SHANK2: variants seen among roughly 807,000 people sequenced by gnomAD.
The protein encoded by SHANK2 is SH3 and multiple ankyrin repeat domains protein 2.
SHANK2 carries 43 observed loss-of-function variants against 133.7 expected under a neutral mutation model. The observed-to-expected ratio is 0.32, with a 90% CI of 0.25 to 0.41. The LOEUF is 0.41. Ranked by LOEUF, SHANK2 falls within the 10% of genes least tolerant of loss-of-function variation. The probability of loss-of-function intolerance (pLI) is 1.00; values close to 1 mark genes in which losing one functional copy is unlikely to be tolerated. For synonymous variants in SHANK2, 1,017 were observed against 952.8 expected, an observed-to-expected ratio of 1.07 and a Z score of -1.24; for missense variants, 1,994 against 2,235.8, an observed-to-expected ratio of 0.89 and a Z score of 2.18.
intron 17 of SHANK2, among the ~76,000 whole-genome samples, chr11:70,507,518 T>C (rs1219065545): frequency 6.6e-6 from 1 of 152,166 alleles, no homozygotes; most frequent in African/African-American, 2.4e-5. Flanking sequence ...GAGGGATGTC[T>C]GTGAGGGGCC....
intron 17 of SHANK2, among the ~76,000 whole-genome samples, chr11:70,532,805 C>A (rs539870804): frequency 1.3e-5 from 2 of 152,172 alleles, no homozygotes; most frequent in African/African-American, 4.8e-5. Flanking sequence ...CCGACACGTG[C>A]GCATGAGTGT....
Position 71,188,199 on chromosome 11 carries a change from ATC to A in SHANK2, c.-13+36496_-13+36497del, listed in dbSNP as rs1555114798. ...GAGACCTGGTGATCTTGCCACCTCC[ATC>A]TCTCTCACATCCTGCTGAGACCTCC... On this transcript the variant is annotated intron_variant, in intron 2 of 25. Coordinates refer to ENST00000601538, the MANE Select transcript of SHANK2 (RefSeq NM_012309.5). The surrounding 1 kb of genome is among the most constrained non-coding windows in gnomAD (Gnocchi z 4.6). 2.6e-5 allele frequency among the ~76,000 whole-genome samples: 4 copies of A among 152,012 alleles called. No homozygotes were observed. Among genetic ancestry groups the A allele is most frequent in the Non-Finnish European group, 5.9e-5 (4 of 68,002 alleles).
chr11:71,108,256 G>A (rs1951830872), intron 6 of SHANK2, among the ~76,000 whole-genome samples: 2 of 152,214 alleles, frequency 1.3e-5, no homozygotes, highest in African/African-American at 4.8e-5. Context: ...CATCAGCGCA[G>A]CACGAGACGC....
At chr11:70,895,252 A>G (rs1174078660) in intron 11 of SHANK2, 1 of 152,600 alleles carries the variant, frequency 6.6e-6, no homozygotes, top group Non-Finnish European at 1.5e-5. Context: ...TAGGGCACAC[A>G]TGCCACACGG....
chr11:70,538,108 G>T (rs1419409832), intron 17 of SHANK2, among the ~76,000 whole-genome samples: 1 of 152,208 alleles, frequency 6.6e-6, no homozygotes, highest in African/African-American at 2.4e-5. Flanking sequence ...GAGATGAGGG[G>T]CAGAGACCAG....
chr11:70,672,692 C>T (rs553522012), intron 15 of SHANK2, among the ~76,000 whole-genome samples: 98 of 152,340 alleles, frequency 6.4e-4, no homozygotes, highest in African/African-American at 2.4e-3. Flanking sequence ...TTCTTCTGGC[C>T]AGTTACTATG....
intron 10 of SHANK2, among the ~76,000 whole-genome samples, chr11:70,925,541 A>G (rs1402767595): frequency 6.6e-6 from 1 of 152,260 alleles, no homozygotes; most frequent in Non-Finnish European, 1.5e-5. Context: ...GAAAAAACAT[A>G]TGAATCAAAT....
chr11:70,864,728 A>G (rs528361782), intron 11 of SHANK2: 1 of 152,370 alleles, frequency 6.6e-6, no homozygotes, highest in East Asian at 1.9e-4. Context: ...ATGTCCTTAT[A>G]AAAGGGACCC....
chr11:70,887,570 T>C (rs1417033401), intron 11 of SHANK2, among the ~76,000 whole-genome samples: 1 of 152,066 alleles, frequency 6.6e-6, no homozygotes, highest in African/African-American at 2.4e-5. Context: ...TCTTCTCCCC[T>C]AAAGCCACAT....
At position 70,804,047 on chromosome 11, in the gene SHANK2, T is replaced by A. The variant is rs1049767590; in HGVS notation, c.1663+2955A>T. On this transcript the variant is annotated intron_variant, in intron 13 of 25. Transcript: ENST00000601538. This position sits in a 1 kb window ranked among gnomAD's most constrained non-coding sequence, Gnocchi z 4.1. Reference sequence around the variant, plus strand: ...TATCAGCAGGACCCCAGGGCCACCCTGGGGCCCGTCACAGCCACCCTGCCT... The same window carrying A: ...TATCAGCAGGACCCCAGGGCCACCCAGGGGCCCGTCACAGCCACCCTGCCT... Among the ~76,000 whole-genome samples, 1 of 152,022 alleles carries A rather than the reference T, an allele frequency of 6.6e-6. No individual in the cohort carries two copies. The highest frequency in any genetic ancestry group is 6.5e-5 in the Admixed American group (1 of 15,280).
intron 10 of SHANK2, chr11:70,907,646 TGAGTTTATTTTAGAAATAA>T (rs1448419927): frequency 4.5e-6 from 1 of 223,184 alleles, no homozygotes; most frequent in Non-Finnish European, 9.2e-6. Flanking sequence ...CATGGCTAGG[TGAGTTTATTTTAGAAATAA>T]GAAAATTGAC....
At chr11:71,089,656 C>T (rs1364699578) in intron 8 of SHANK2, among the ~76,000 whole-genome samples, 2 of 151,784 alleles carry the variant, frequency 1.3e-5, no homozygotes, top group Non-Finnish European at 2.9e-5. Context: ...CTGTGGTGCA[C>T]CCGGAATGGC....
intron 23 of SHANK2, 141 bp from the exon 24 acceptor site, chr11:70,489,489 A>C (rs142546306): frequency 1.2e-6 from 1 of 814,530 alleles, no homozygotes; most frequent in East Asian, 2.4e-5. Context: ...GACTGCCTAC[A>C]GTTATCCACC....
intron 14 of SHANK2, among the ~76,000 whole-genome samples, chr11:70,755,800 C>A (rs563214527): frequency 7.2e-5 from 11 of 152,226 alleles, no homozygotes; most frequent in African/African-American, 2.4e-4. Context: ...ATTCCTGGAA[C>A]GCCGCGGCTT....
intron 8 of SHANK2, among the ~76,000 whole-genome samples, chr11:71,086,120 ATATAT>A (rs1180800151): frequency 1.6e-4 from 4 of 25,302 alleles, no homozygotes; most frequent in Non-Finnish European, 3.2e-4. Context: ...ATGTTATATA[ATATAT>A]TAAATTATAT....
intron 14 of SHANK2, among the ~76,000 whole-genome samples, chr11:70,782,908 A>T (rs1947538446): frequency 6.6e-6 from 1 of 152,186 alleles, no homozygotes; most frequent in South Asian, 2.1e-4. Context: ...TTACTCTTAC[A>T]GACTAAATGT....
At chr11:70,784,331 C>G (rs1296978831) in intron 14 of SHANK2, among the ~76,000 whole-genome samples, 4 of 147,562 alleles carry the variant, frequency 2.7e-5, no homozygotes, top group Non-Finnish European at 5.9e-5. Context: ...GCGTGCGCCA[C>G]CACACCGGCT....
intron 15 of SHANK2, among the ~76,000 whole-genome samples, chr11:70,691,186 G>A (rs1277470319): frequency 2.6e-5 from 4 of 152,100 alleles, no homozygotes; most frequent in Non-Finnish European, 4.4e-5. Flanking sequence ...TGGGGCAGCC[G>A]GACTGTGGGG....
chr11:71,113,283 C>T lies in SHANK2; in HGVS notation c.483+10G>A, dbSNP rs1951921281. 2 of 1,551,422 alleles carry T rather than the reference C, an allele frequency of 1.3e-6. No homozygotes were observed. Among genetic ancestry groups the T allele is most frequent in the East Asian group, 4.9e-5 (2 of 40,920 alleles). ...CCTAACGTGTAAATAACAGCCCGTT[C>T]CCTGCATACCTTCGTGTGGAGCTTG... On this transcript the variant is annotated intron_variant, in intron 5 of 25. Transcript: ENST00000601538.
Sources: gnomAD v4.1 joint callset for allele counts (sites outside exome capture counted in the v4.1 genomes callset) on GRCh38, gnomAD v4.1.1 for gene constraint, Gnocchi (gnomAD v3.1) non-coding constraint, MANE v1.5 for transcripts, NCBI Gene and HGNC (gene_info 2026-07-23, HGNC 2026-07-21) for gene names.